Variants in DNAH12 observed in about 807,000 individuals in gnomAD.
DNAH12 encodes dynein axonemal heavy chain 12.
A neutral mutation model predicts 371.5 loss-of-function variants in DNAH12; 285 were observed. The ratio of observed to expected loss-of-function variants is 0.77; its 90% CI spans 0.70 to 0.85. The LOEUF (loss-of-function observed/expected upper bound fraction) is 0.85. Ranked by LOEUF, DNAH12 falls within the 40% of genes least tolerant of loss-of-function variation. The pLI is 0.00. For synonymous variants in DNAH12, 1,200 were observed against 1,213.0 expected, an observed-to-expected ratio of 0.99 and a Z score of 0.22; for missense variants, 3,611 against 3,689.4, an observed-to-expected ratio of 0.98 and a Z score of 0.55.
chr3:57,322,633 G>A (rs1308364977), intron 64 of DNAH12, 150 bp from the exon 65 acceptor site: 3 of 1,012,112 alleles, frequency 3.0e-6, no homozygotes, highest in East Asian at 2.7e-5. Flanking sequence ...GCTTGATTAA[G>A]ATATGCAGAC....
At chr3:57,470,152 AG>A (rs1470308687) in intron 16 of DNAH12, among the ~76,000 whole-genome samples, 1 of 152,078 alleles carries the variant, frequency 6.6e-6, no homozygotes, top group Non-Finnish European at 1.5e-5. Context: ...TCATGTCAGA[AG>A]GGTAATGTGC....
At chr3:57,369,295 T>TTTTG (rs879094690) in intron 55 of DNAH12, among the ~76,000 whole-genome samples, 111,361 of 142,822 alleles carry the variant, frequency 0.78, 44,066 homozygotes, top group African/African-American at 0.88. Flanking sequence ...TAATATAGAA[T>TTTTG]TTTAATTATA....
At chr3:57,351,554 T>C (rs1358419119) in intron 60 of DNAH12, among the ~76,000 whole-genome samples, 1 of 152,176 alleles carries the variant, frequency 6.6e-6, no homozygotes, top group Admixed American at 6.5e-5. Context: ...AATGTATTCT[T>C]ATAATGGAAT....
chr3:57,550,293 G>A, the DNAH12 span, among the ~76,000 whole-genome samples: 1 of 151,982 alleles, frequency 6.6e-6, no homozygotes, highest in African/African-American at 2.4e-5. Flanking sequence ...ACCAGCCTGG[G>A]TCACAGATCA....
intron 58 of DNAH12, among the ~76,000 whole-genome samples, chr3:57,362,233 A>T (rs1462823784): frequency 6.6e-6 from 1 of 152,186 alleles, no homozygotes; most frequent in Non-Finnish European, 1.5e-5. Context: ...TCCATGGTCT[A>T]TATGTGCCAC....
intron 11 of DNAH12, among the ~76,000 whole-genome samples, chr3:57,493,487 C>T (rs531751651): frequency 6.6e-6 from 1 of 152,202 alleles, no homozygotes; most frequent in South Asian, 2.1e-4. Context: ...GGTCCTAGAA[C>T]AAATACCTGC....
At chr3:57,430,913 A>G (rs1286668772) in intron 32 of DNAH12, among the ~76,000 whole-genome samples, 3 of 152,214 alleles carry the variant, frequency 2.0e-5, no homozygotes, top group African/African-American at 7.2e-5. Context: ...GGCTATTTAT[A>G]TTTAATTTTA....
intron 55 of DNAH12, among the ~76,000 whole-genome samples, chr3:57,370,541 A>C (rs1426909492): frequency 1.3e-5 from 2 of 152,220 alleles, no homozygotes; most frequent in African/African-American, 4.8e-5. Flanking sequence ...ATAAACAGAC[A>C]AACTGTTAGA....
intron 43 of DNAH12, among the ~76,000 whole-genome samples, chr3:57,399,569 AG>A (rs1427011827): frequency 6.6e-6 from 1 of 152,252 alleles, no homozygotes; most frequent in African/African-American, 2.4e-5. Flanking sequence ...ACCACAAGAA[AG>A]GATATTACAT....
In DNAH12 at chr3:57,341,846, A is replaced by G. The variant is rs971989238; in HGVS notation, c.9675-6906T>C. 5.7e-4 allele frequency among the ~76,000 whole-genome samples: 83 copies of G among 146,000 alleles called. 1 individual carries two copies. Among genetic ancestry groups the G allele is most frequent in the African/African-American group, 2.2e-3 (83 of 38,236 alleles). ...AAAAGAACAAATCTAGATGCATCAC[A>G]GTACCAGGCTTCGAAATATACTACC... is the stretch of plus-strand genomic sequence containing the variant. On this transcript the variant is annotated intron_variant, in intron 60 of 73. Coordinates refer to ENST00000495027, the MANE Select transcript of DNAH12 (RefSeq NM_001366028.2).
rs2061215900 is a variant in DNAH12 at position 57,295,573 on chromosome 3, A to G, written c.11644T>C (p.Tyr3882His). ...ATCAGGTCAAACAGAAGTTTGGGAT[A>G]TTGTTCAGCAAGCAATCCACTGTAA... Reference protein sequence around the residue: ...DRESGLLAEQYPKLLFDLMPI... With the variant: ...DRESGLLAEQHPKLLFDLMPI... Residue 3882 changes from tyrosine (Y) to histidine (H), a missense_variant, in exon 73 of 74, where the codon TAT (tyrosine) becomes CAT (histidine). Coordinates refer to ENST00000495027, the MANE Select transcript of DNAH12 (RefSeq NM_001366028.2). The G allele has an allele frequency of 1.3e-6, 2 of 1,543,762 alleles. No homozygotes were observed. Among genetic ancestry groups the G allele is most frequent in the Non-Finnish European group, 1.7e-6 (2 of 1,143,368 alleles).
chr3:57,299,874 G>C (rs1010606233), intron 70 of DNAH12, among the ~76,000 whole-genome samples: 2 of 152,166 alleles, frequency 1.3e-5, no homozygotes, highest in African/African-American at 4.8e-5. Flanking sequence ...GACTAAAAAG[G>C]AGATCGATAG....
chr3:57,327,036 A>G (rs1248729638), intron 62 of DNAH12, among the ~76,000 whole-genome samples: 1 of 151,824 alleles, frequency 6.6e-6, no homozygotes, highest in African/African-American at 2.4e-5. Context: ...TGCACCCAAT[A>G]CAGGAGCACC....
chr3:57,489,735 G>C (rs1359705053), intron 11 of DNAH12, 48 bp from the exon 12 acceptor site: 5 of 1,433,068 alleles, frequency 3.5e-6, no homozygotes, highest in Non-Finnish European at 4.6e-6. Flanking sequence ...AGAACTTTCA[G>C]TGATTTTATA....
intron 4 of DNAH12, chr3:57,520,134 C>T (rs922965005): frequency 4.6e-6 from 2 of 433,376 alleles, no homozygotes; most frequent in African/African-American, 2.0e-5. Context: ...TTTTTTGAGA[C>T]GGAGTTTCGC....
At chr3:57,432,755 TAAAC>T (rs113988733) in intron 32 of DNAH12, among the ~76,000 whole-genome samples, 21,565 of 152,064 alleles carry the variant, frequency 0.14, 1,554 homozygotes, top group South Asian at 0.2. Flanking sequence ...TGGAGGAAGA[TAAAC>T]AAACTAGGAA....
intron 44 of DNAH12, among the ~76,000 whole-genome samples, chr3:57,393,356 G>A (rs1360163089): frequency 6.6e-6 from 1 of 152,064 alleles, no homozygotes; most frequent in Non-Finnish European, 1.5e-5. Flanking sequence ...GGCCGGGCGA[G>A]GTGGCTCACG....
intron 68 of DNAH12, 52 bp downstream of exon 68, chr3:57,309,614 C>A (rs1256162367): frequency 1.5e-6 from 2 of 1,370,684 alleles, no homozygotes; most frequent in Non-Finnish European, 1.9e-6. Context: ...ATTGTCATTT[C>A]AGTATCATTT....
intron 29 of DNAH12, among the ~76,000 whole-genome samples, chr3:57,440,666 T>C (rs1372148654): frequency 6.6e-6 from 1 of 152,140 alleles, no homozygotes; most frequent in Non-Finnish European, 1.5e-5. Context: ...ATGTACCCCT[T>C]GAATCTAAAA....
Sources: gnomAD v4.1 joint callset for allele counts (sites outside exome capture counted in the v4.1 genomes callset) on GRCh38, gnomAD v4.1.1 for gene constraint, MANE v1.5 for transcripts, NCBI Gene and HGNC (gene_info 2026-07-23, HGNC 2026-07-21) for gene names.